The following LRRTM4 variants were observed in gnomAD, a reference collection of about 807,000 sequenced individuals.
LRRTM4 encodes leucine-rich repeat transmembrane neuronal protein 4.
A neutral mutation model predicts 47.6 loss-of-function variants in LRRTM4; 25 were observed. That is an observed-to-expected ratio of 0.53 (90% confidence interval 0.38 to 0.73). LRRTM4 has a LOEUF of 0.73. Ranked by LOEUF, LRRTM4 falls within the 30% of genes least tolerant of loss-of-function variation. The pLI, the probability that LRRTM4 is intolerant of heterozygous loss-of-function variation, is 0.00. For synonymous variants in LRRTM4, 311 were observed against 269.5 expected (o/e 1.15, Z -1.51); for missense variants, 638 against 713.4 (o/e 0.89, Z 1.20).
intron 3 of LRRTM4, among the ~76,000 whole-genome samples, chr2:77,028,275 T>C (rs1364719320): frequency 6.6e-6 from 1 of 152,140 alleles, no homozygotes; most frequent in East Asian, 1.9e-4. Context: ...TTGGCTAGTG[T>C]TCAACGATAC....
intron 3 of LRRTM4, among the ~76,000 whole-genome samples, chr2:77,239,645 A>G (rs76577633): frequency 0.02 from 3,074 of 152,026 alleles, 58 homozygotes; most frequent in Non-Finnish European, 0.023. Context: ...CTATACTAAT[A>G]CTATAGGAAT....
chr2:76,858,717 T>C lies in LRRTM4; in HGVS notation c.1552-109801A>G, dbSNP rs117989530. On this transcript the variant is annotated intron_variant, in intron 3 of 3. Coordinates refer to ENST00000409884, the MANE Select transcript of LRRTM4 (RefSeq NM_001134745.3). ...ACTGGTATTCTCTGGCAATTTTGAATTATAGGAAGATTGTACTAGCCAGAG... is the reference window on the plus strand; with the variant it reads ...ACTGGTATTCTCTGGCAATTTTGAACTATAGGAAGATTGTACTAGCCAGAG... Among the ~76,000 whole-genome samples the C allele has an allele frequency of 3.7e-4, 56 of 152,338 alleles. No individual in the cohort carries two copies. In the East Asian group the frequency reaches 8.3e-3, roughly 23 times the overall value.
chr2:76,929,526 G>C (rs1361596401), intron 3 of LRRTM4, among the ~76,000 whole-genome samples: 2 of 152,154 alleles, frequency 1.3e-5, no homozygotes, highest in Non-Finnish European at 2.9e-5. Context: ...GTTGCTATTA[G>C]CTTTTTTTAA....
At chr2:77,412,657 A>G (rs1674489240) in intron 3 of LRRTM4, among the ~76,000 whole-genome samples, 1 of 152,220 alleles carries the variant, frequency 6.6e-6, no homozygotes, top group Admixed American at 6.5e-5. Flanking sequence ...CCACAAGAGT[A>G]TTAAGAGGGA....
At chr2:76,831,475 A>G (rs1470063037) in intron 3 of LRRTM4, among the ~76,000 whole-genome samples, 1 of 152,082 alleles carries the variant, frequency 6.6e-6, no homozygotes, top group Non-Finnish European at 1.5e-5. Flanking sequence ...GTTTCTCCCT[A>G]ATGTTTCCTG....
At chr2:77,161,757 T>G (rs1373218824) in intron 3 of LRRTM4, among the ~76,000 whole-genome samples, 5 of 151,758 alleles carry the variant, frequency 3.3e-5, no homozygotes, top group African/African-American at 4.8e-5. Context: ...AAACTCTTAA[T>G]TTTTTTTTCT....
chr2:77,017,912 AGT>A (rs67686609), intron 3 of LRRTM4, among the ~76,000 whole-genome samples: 42,695 of 151,702 alleles, frequency 0.28, 6,155 homozygotes, highest in East Asian at 0.41. Flanking sequence ...TAAAACAGGA[AGT>A]GTTAGCTCAA....
At chr2:77,411,451 CTTT>C (rs138496739) in intron 3 of LRRTM4, among the ~76,000 whole-genome samples, 16 of 116,018 alleles carry the variant, frequency 1.4e-4, no homozygotes, top group East Asian at 1.0e-3. Context: ...TCTCTTTCTT[CTTT>C]TTTTTTTTTT....
intron 3 of LRRTM4, among the ~76,000 whole-genome samples, chr2:77,311,470 G>T (rs188905350): frequency 5.3e-5 from 8 of 152,176 alleles, no homozygotes; most frequent in African/African-American, 1.9e-4. Context: ...CCAGCCGTGG[G>T]AAATTAGGCA....
At chr2:77,267,770 C>G (rs1676087738) in intron 3 of LRRTM4, among the ~76,000 whole-genome samples, 1 of 128,032 alleles carries the variant, frequency 7.8e-6, no homozygotes, top group African/African-American at 2.9e-5. Flanking sequence ...TATGATTACA[C>G]TGTCACACAA....
At chr2:77,353,969 C>T (rs893262409) in intron 3 of LRRTM4, among the ~76,000 whole-genome samples, 15 of 152,134 alleles carry the variant, frequency 9.9e-5, no homozygotes, top group African/African-American at 2.9e-4. Flanking sequence ...AGGGCTATTC[C>T]GCAGGCAGTG....
intron 3 of LRRTM4, among the ~76,000 whole-genome samples, chr2:76,826,353 A>G (rs1484268637): frequency 1.3e-5 from 2 of 151,600 alleles, no homozygotes; most frequent in Non-Finnish European, 3.0e-5. Context: ...GCATCATGGC[A>G]TATCAGCTGT....
intron 3 of LRRTM4, among the ~76,000 whole-genome samples, chr2:77,360,428 A>T (rs1438421293): frequency 6.6e-6 from 1 of 152,034 alleles, no homozygotes; most frequent in African/African-American, 2.4e-5. Context: ...ACTGCACTGT[A>T]GCCTGGGCGG....
chr2:77,022,005 G>A (rs1558802944), intron 3 of LRRTM4, among the ~76,000 whole-genome samples: 2 of 152,088 alleles, frequency 1.3e-5, no homozygotes, highest in Non-Finnish European at 2.9e-5. Flanking sequence ...AAGACCACCT[G>A]TATGAGTCCA....
intron 3 of LRRTM4, among the ~76,000 whole-genome samples, chr2:77,003,283 C>CATT (rs1051095337): frequency 6.6e-6 from 1 of 151,420 alleles, no homozygotes; most frequent in African/African-American, 2.4e-5. Flanking sequence ...TGCTTATTTT[C>CATT]ATTATTATTA....
At position 77,519,885 on chromosome 2, in the gene LRRTM4, C is replaced by T; in HGVS notation, c.5-21G>A. 6.5e-7 allele frequency: 1 copy of T among 1,544,190 alleles called. No individual in the cohort carries two copies. On this transcript the variant is annotated intron_variant, in intron 2 of 3. Transcript: ENST00000409884. The surrounding 1 kb of genome is among the most constrained non-coding windows in gnomAD (Gnocchi z 4.6). ...GAAACCTACGATATTAAAAAAAAGACAGATGCACATTGTGAAGCTATTAAA... is the reference window on the plus strand; with the variant it reads ...GAAACCTACGATATTAAAAAAAAGATAGATGCACATTGTGAAGCTATTAAA...
chr2:77,234,030 G>A (rs1157899329), intron 3 of LRRTM4, among the ~76,000 whole-genome samples: 2 of 151,922 alleles, frequency 1.3e-5, no homozygotes, highest in Admixed American at 6.6e-5. Flanking sequence ...TGATCCACCC[G>A]CCTCGGCCTC....
chr2:76,815,731 A>G (rs1288671568), intron 3 of LRRTM4, among the ~76,000 whole-genome samples: 1 of 152,136 alleles, frequency 6.6e-6, no homozygotes, highest in East Asian at 1.9e-4. Context: ...GTAGCAGAGA[A>G]AAACTGATTT....
chr2:76,938,082 CTTATA>C (rs1011591743), intron 3 of LRRTM4, among the ~76,000 whole-genome samples: 9 of 151,862 alleles, frequency 5.9e-5, no homozygotes, highest in Non-Finnish European at 1.0e-4. Context: ...TTCCTCTCTT[CTTATA>C]TTATTTTATA....
Sources: allele counts gnomAD v4.1 joint callset (sites outside exome capture counted in the v4.1 genomes callset), GRCh38; gene constraint gnomAD v4.1.1; non-coding constraint Gnocchi (gnomAD v3.1); transcripts MANE v1.5; gene names NCBI Gene and HGNC (gene_info 2026-07-23, HGNC 2026-07-21).